CGA: variants seen among roughly 807,000 people sequenced by gnomAD.
The protein encoded by CGA is glycoprotein hormones, alpha polypeptide.
A neutral mutation model predicts 12.0 loss-of-function variants in CGA; 4 were observed. The ratio of observed to expected loss-of-function variants is 0.33; its 90% confidence interval spans 0.16 to 0.76. The LOEUF is 0.76. CGA is among the 30% of genes least tolerant of loss of function. The pLI, the probability that CGA is intolerant of heterozygous loss-of-function variation, is 0.60. For synonymous variants in CGA, 60 were observed against 56.6 expected (o/e 1.06, Z -0.27); for missense variants, 102 against 143.5 (o/e 0.71, Z 1.48).
At chr6:87,093,891 AT>A (rs1005871151) in intron 1 of CGA, among the ~76,000 whole-genome samples, 12 of 152,350 alleles carry the variant, frequency 7.9e-5, no homozygotes, top group African/African-American at 9.6e-5. Context: ...TGCAAAAAAA[AT>A]AATAAACTTA....
intron 1 of CGA, among the ~76,000 whole-genome samples, chr6:87,092,706 C>T (rs541968183): frequency 6.8e-6 from 1 of 147,412 alleles, no homozygotes; most frequent in East Asian, 2.0e-4. Flanking sequence ...TGGGGAACAA[C>T]AGGGGAACAG....
At position 87,088,210 on chromosome 6, in the gene CGA, G is replaced by C; in HGVS notation, c.-7-3C>G. ...TTCTGTAGTAATCCATGGCGCTCCT[G>C]CAGACAGACATGGCAAAAAAAAAAA... is the stretch of plus-strand genomic sequence containing the variant. On this transcript the variant is annotated splice_polypyrimidine_tract_variant and splice_region_variant and intron_variant, in intron 1 of 3. Transcript: ENST00000627148. 2 of 1,371,958 alleles carry C rather than the reference G, an allele frequency of 1.5e-6. No homozygotes were observed. Among genetic ancestry groups the C allele is most frequent in the Non-Finnish European group, 1.9e-6 (2 of 1,027,740 alleles). 85.0% of individuals were successfully genotyped at this position (1,371,958 alleles called of 1,614,324 possible).
intron 1 of CGA, chr6:87,089,030 A>G (rs1354791330): frequency 6.6e-6 from 1 of 152,240 alleles, no homozygotes; most frequent in African/African-American, 2.4e-5. Context: ...CATACAAATG[A>G]TGGTATAGCC....
At chr6:87,092,524 AG>A (rs1769451863) in intron 1 of CGA, among the ~76,000 whole-genome samples, 2 of 23,572 alleles carry the variant, frequency 8.5e-5, no homozygotes, top group Non-Finnish European at 1.6e-4. Flanking sequence ...AAAACAAAAA[AG>A]AGAGAGAGAG....
At chr6:87,086,811 C>T (rs1278706523) in intron 2 of CGA, among the ~76,000 whole-genome samples, 1 of 151,210 alleles carries the variant, frequency 6.6e-6, no homozygotes, top group Non-Finnish European at 1.5e-5. Flanking sequence ...AATGTGGTGG[C>T]TCACGCCTGT....
chr6:87,091,027 T>C (rs1269459191), intron 1 of CGA, among the ~76,000 whole-genome samples: 1 of 152,196 alleles, frequency 6.6e-6, no homozygotes, highest in Non-Finnish European at 1.5e-5. Context: ...TAAGGAAATG[T>C]TCAGAATTAA....
intron 1 of CGA, among the ~76,000 whole-genome samples, chr6:87,093,546 A>G (rs139164110): frequency 3.3e-5 from 5 of 152,368 alleles, no homozygotes; most frequent in African/African-American, 1.2e-4. Flanking sequence ...AGGATTCACA[A>G]CCTGTAAAAA....
chr6:87,086,691 C>T, intron 2 of CGA: 1 of 369,192 alleles, frequency 2.7e-6, no homozygotes, highest in South Asian at 5.6e-5. Flanking sequence ...GGGTCTGGGG[C>T]AGAAGAATCG....
At chr6:87,085,981 A>G in intron 3 of CGA, 148 bp from the exon 4 acceptor site, 1 of 702,094 alleles carries the variant, frequency 1.4e-6, no homozygotes, top group African/African-American at 1.8e-5. Context: ...TTTTTAGGAA[A>G]TATTTTTAGC....
At chr6:87,094,878 G>A (rs937512341) in intron 1 of CGA, 135 bp downstream of exon 1, 2 of 152,146 alleles carry the variant, frequency 1.3e-5, no homozygotes, top group Admixed American at 6.5e-5. Context: ...TCAATCATAA[G>A]TGCTGAAAAG....
intron 1 of CGA, among the ~76,000 whole-genome samples, chr6:87,089,478 T>C (rs146255293): frequency 4.6e-5 from 7 of 152,288 alleles, no homozygotes; most frequent in African/African-American, 1.2e-4. Context: ...TAATTTTCAA[T>C]GAGGGAACAA....
chr6:87,091,529 G>C lies in CGA; in HGVS notation c.-7-3322C>G, dbSNP rs567529754. Among the ~76,000 whole-genome samples, 16 of 152,216 alleles carry C rather than the reference G, an allele frequency of 1.1e-4. 1 individual carries two copies. The highest frequency in any genetic ancestry group is 3.9e-4 in the African/African-American group (16 of 41,544). The stretch of plus-strand genomic sequence containing the variant: ...TCTAAAGTCAGATTTACTAATCTCA[G>C]CTTCTTTTGGTATTTCACATGAGTA... On this transcript the variant is annotated intron_variant, in intron 1 of 3. Coordinates refer to ENST00000627148, the MANE Select transcript of CGA (RefSeq NM_000735.4).
intron 1 of CGA, among the ~76,000 whole-genome samples, chr6:87,093,264 C>A (rs368137752): frequency 1.3e-5 from 2 of 152,164 alleles, no homozygotes; most frequent in African/African-American, 4.8e-5. Context: ...AATCCATGTC[C>A]TCCTTTATAA....
intron 1 of CGA, among the ~76,000 whole-genome samples, chr6:87,091,642 C>A (rs190955977): frequency 1.8e-4 from 28 of 152,316 alleles, no homozygotes; most frequent in Admixed American, 1.7e-3. Context: ...TCACCCACCA[C>A]ATCAAGATAA....
chr6:87,093,682 T>A (rs751150224), intron 1 of CGA, among the ~76,000 whole-genome samples: 5 of 152,238 alleles, frequency 3.3e-5, no homozygotes, highest in African/African-American at 4.8e-5. Context: ...ACCTTCTAAG[T>A]TAGCCATTTC....
chr6:87,088,232 A>G, intron 1 of CGA, 25 bp from the exon 2 acceptor site: 1 of 1,303,948 alleles, frequency 7.7e-7, no homozygotes, highest in South Asian at 1.4e-5. Flanking sequence ...GGCAAAAAAA[A>G]AAAAACAAAA....
chr6:87,094,436 G>A (rs1582323906), intron 1 of CGA, among the ~76,000 whole-genome samples: 3 of 152,294 alleles, frequency 2.0e-5, no homozygotes, highest in Admixed American at 6.5e-5. Context: ...ATGAATAATA[G>A]CTAGAGAAAT....
chr6:87,090,692 C>T (rs1769415669), intron 1 of CGA, among the ~76,000 whole-genome samples: 1 of 141,182 alleles, frequency 7.1e-6, no homozygotes, highest in Non-Finnish European at 1.5e-5. Context: ...GGATGGAATG[C>T]AGTCATGCAG....
intron 1 of CGA, among the ~76,000 whole-genome samples, chr6:87,089,932 T>G (rs1401230790): frequency 1.3e-5 from 2 of 152,206 alleles, no homozygotes; most frequent in African/African-American, 4.8e-5. Context: ...GAATTTTATG[T>G]TTAGACATGG....
Sources: allele counts gnomAD v4.1 joint callset (sites outside exome capture counted in the v4.1 genomes callset), GRCh38; gene constraint gnomAD v4.1.1; transcripts MANE v1.5; gene names NCBI Gene and HGNC (gene_info 2026-07-23, HGNC 2026-07-21).